Variants in UNC5D observed in about 807,000 individuals in gnomAD.
The protein encoded by UNC5D is netrin receptor UNC5D.
Under a neutral mutation model 105.4 loss-of-function variants are expected in UNC5D, and 39 were observed. That is an observed-to-expected ratio of 0.37 (90% CI 0.29 to 0.48). The LOEUF is 0.48. Among genes scored for constraint, UNC5D ranks in the 20% least tolerant of loss-of-function variants. UNC5D has a pLI of 0.98. For synonymous variants in UNC5D, 452 were observed against 450.4 expected (o/e 1.00, Z -0.04); for missense variants, 991 against 1,202.4 (o/e 0.82, Z 2.60).
At chr8:35,526,540 A>C (rs959408919) in intron 1 of UNC5D, among the ~76,000 whole-genome samples, 10 of 152,200 alleles carry the variant, frequency 6.6e-5, no homozygotes, top group Non-Finnish European at 7.3e-5. Flanking sequence ...TCACAGGGTA[A>C]AATGGAAGAC....
At chr8:35,490,754 G>C (rs904448773) in intron 1 of UNC5D, among the ~76,000 whole-genome samples, 4 of 152,100 alleles carry the variant, frequency 2.6e-5, no homozygotes, top group Non-Finnish European at 5.9e-5. Flanking sequence ...CAAGCCTCTG[G>C]AAGAGCCAGT....
chr8:35,432,841 G>A (rs186933031), intron 1 of UNC5D, among the ~76,000 whole-genome samples: 2 of 152,216 alleles, frequency 1.3e-5, no homozygotes, highest in Admixed American at 1.3e-4. Context: ...TCACTTTCGA[G>A]GCCAAGGCAG....
intron 1 of UNC5D, among the ~76,000 whole-genome samples, chr8:35,431,490 A>G (rs900931300): frequency 1.3e-5 from 2 of 151,398 alleles, no homozygotes; most frequent in Non-Finnish European, 1.5e-5. Flanking sequence ...CCTTAAGTAA[A>G]CAAAAAAGAA....
intron 3 of UNC5D, among the ~76,000 whole-genome samples, chr8:35,589,340 G>T (rs984407158): frequency 1.3e-5 from 2 of 149,882 alleles, no homozygotes; most frequent in African/African-American, 4.9e-5. Flanking sequence ...ATTAGCAAGT[G>T]TTCATCATTA....
intron 1 of UNC5D, among the ~76,000 whole-genome samples, chr8:35,482,907 A>T (rs994056083): frequency 2.1e-5 from 3 of 145,938 alleles, no homozygotes; most frequent in Non-Finnish European, 4.4e-5. Flanking sequence ...GATTCAAGCG[A>T]TTCTCCTGCC....
chr8:35,784,477 G>C (rs978572772), intron 16 of UNC5D, among the ~76,000 whole-genome samples: 2 of 152,100 alleles, frequency 1.3e-5, no homozygotes, highest in Admixed American at 6.6e-5. Context: ...GGCCAGGCAC[G>C]ACAGCTGAGA....
intron 11 of UNC5D, among the ~76,000 whole-genome samples, chr8:35,742,392 G>A (rs564931355): frequency 1.3e-5 from 2 of 152,286 alleles, no homozygotes; most frequent in South Asian, 2.1e-4. Context: ...TATGTCTTGT[G>A]CATGGAAAAC....
intron 3 of UNC5D, among the ~76,000 whole-genome samples, chr8:35,577,309 T>G (rs553319069): frequency 9.9e-4 from 151 of 152,358 alleles, no homozygotes; most frequent in African/African-American, 3.5e-3. Flanking sequence ...TGTGTTACAT[T>G]CAGTTGTGAG....
chr8:35,669,889 T>TAGTA (rs1393402571), intron 4 of UNC5D, among the ~76,000 whole-genome samples: 1 of 152,018 alleles, frequency 6.6e-6, no homozygotes, highest in Non-Finnish European at 1.5e-5. Context: ...AGACACTGAG[T>TAGTA]AGTAAGTCTC....
chr8:35,235,849 G>T lies in UNC5D; in HGVS notation c.65G>T (p.Gly22Val). 1 of 1,230,636 alleles carries T rather than the reference G, an allele frequency of 8.1e-7. No individual in the cohort carries two copies. Among genetic ancestry groups the T allele is most frequent in the Middle Eastern group, 3.0e-4 (1 of 3,298 alleles). The allele number at this position is 1,230,636 out of a possible 1,614,324, so 76.2% of individuals were successfully genotyped here. A position where few individuals can be genotyped will look rare whatever the true frequency, so the allele number is the denominator to read the frequency against. The change falls in exon 1 of 17, where the codon GGG (glycine) becomes GTG (valine). Residue 22 changes from glycine to valine, a missense_variant. Gly to Val is a moderately radical substitution (Grantham distance 109). This residue lies in a region of UNC5D where 944 missense variants were observed against 1,131.6 expected (regional missense o/e 0.83). Coordinates refer to ENST00000404895, the MANE Select transcript of UNC5D (RefSeq NM_080872.4). ...GGARRWLPWL[G>V]LCFWAAGTAA... ...GCGCGCCGCTGGCTCCCGTGGCTGG[G>T]GCTGTGCTTCTGGGCGGCAGGGACC...
chr8:35,414,866 G>T (rs1447914324), intron 1 of UNC5D, among the ~76,000 whole-genome samples: 1 of 151,962 alleles, frequency 6.6e-6, no homozygotes, highest in Non-Finnish European at 1.5e-5. Flanking sequence ...TAGTGAACTT[G>T]GAATTATGCA....
chr8:35,425,910 G>A (rs1486662188), intron 1 of UNC5D, among the ~76,000 whole-genome samples: 1 of 152,110 alleles, frequency 6.6e-6, no homozygotes, highest in Non-Finnish European at 1.5e-5. Context: ...TTCAGGGTCA[G>A]AAGAAACCTA....
At chr8:35,558,739 T>G (rs956446948) in intron 2 of UNC5D, among the ~76,000 whole-genome samples, 1 of 152,146 alleles carries the variant, frequency 6.6e-6, no homozygotes, top group Non-Finnish European at 1.5e-5. Flanking sequence ...TCCAAGCACT[T>G]TGGGAGGCCG....
chr8:35,325,275 A>G (rs1427175659), intron 1 of UNC5D, among the ~76,000 whole-genome samples: 1 of 152,222 alleles, frequency 6.6e-6, no homozygotes, highest in Non-Finnish European at 1.5e-5. Flanking sequence ...TGAATAAAAC[A>G]TGCTAGTAAT....
chr8:35,517,879 C>G (rs1460516687), intron 1 of UNC5D, among the ~76,000 whole-genome samples: 1 of 152,128 alleles, frequency 6.6e-6, no homozygotes, highest in Non-Finnish European at 1.5e-5. Flanking sequence ...TCATAGACAG[C>G]TGTCTTCTAA....
rs188724448 is a variant in UNC5D at position 35,584,331 on chromosome 8, G to A, written c.467-11223G>A. On this transcript the variant is annotated intron_variant, in intron 3 of 16. Transcript: ENST00000404895. ...GGGCAGGAGTGACATGGCCATGTGTGTGCTAAGAGGATCATGAAATAACTC... is the reference window on the plus strand; with the variant it reads ...GGGCAGGAGTGACATGGCCATGTGTATGCTAAGAGGATCATGAAATAACTC... Among the ~76,000 whole-genome samples, 37 of 151,910 alleles carry A rather than the reference G, an allele frequency of 2.4e-4. 1 individual carries two copies. The East Asian group carries it at 7.0e-3, about 29-fold the overall frequency.
rs375777055 is a variant in UNC5D, at chr8:35,308,085, C to A, written c.103+72198C>A. Reference sequence around the variant, plus strand: ...GCTTGCTATATAACCAAAAGAGATTCCTATTTTAAGCCTTTTCTATGTCAC... The same window carrying A: ...GCTTGCTATATAACCAAAAGAGATTACTATTTTAAGCCTTTTCTATGTCAC... On this transcript the variant is annotated intron_variant, in intron 1 of 16. Transcript: ENST00000404895. 2.7e-5 allele frequency among the ~76,000 whole-genome samples: 4 copies of A among 148,884 alleles called. No individual in the cohort carries two copies. In the East Asian group the frequency reaches 7.9e-4, roughly 29 times the overall value.
chr8:35,449,816 T>C (rs1808030399), intron 1 of UNC5D, among the ~76,000 whole-genome samples: 1 of 152,124 alleles, frequency 6.6e-6, no homozygotes, highest in Admixed American at 6.6e-5. Context: ...CTCCTCTACA[T>C]TGTAACTAAA....
At chr8:35,274,291 A>G (rs1425949421) in intron 1 of UNC5D, among the ~76,000 whole-genome samples, 1 of 152,222 alleles carries the variant, frequency 6.6e-6, no homozygotes, top group Non-Finnish European at 1.5e-5. Context: ...GTTTCTTCAG[A>G]TGATTTAGCA....
Sources: allele counts gnomAD v4.1 joint callset (sites outside exome capture counted in the v4.1 genomes callset), GRCh38; gene constraint gnomAD v4.1.1; regional missense constraint gnomAD v4.1.1; transcripts MANE v1.5; gene names NCBI Gene and HGNC (gene_info 2026-07-23, HGNC 2026-07-21).